Variants in SPATA13 observed in about 807,000 individuals in gnomAD.
The protein encoded by SPATA13 is spermatogenesis-associated protein 13.
Under a neutral mutation model 104.0 loss-of-function variants are expected in SPATA13, and 50 were observed. The observed-to-expected ratio is 0.48, with a 90% CI of 0.38 to 0.61. The LOEUF (loss-of-function observed/expected upper bound fraction) is 0.61. Among genes scored for constraint, SPATA13 ranks in the 20% least tolerant of loss-of-function variants. The pLI, the probability that SPATA13 is intolerant of heterozygous loss-of-function variation, is 0.00. For synonymous variants in SPATA13, 606 were observed against 667.5 expected (o/e 0.91, Z 1.42); for missense variants, 1,524 against 1,690.6 (o/e 0.90, Z 1.73).
At chr13:24,074,747 A>T (rs930332071) in intron 3 of SPATA13, among the ~76,000 whole-genome samples, 5 of 152,348 alleles carry the variant, frequency 3.3e-5, no homozygotes, top group African/African-American at 1.2e-4. Flanking sequence ...TTAATTGAGC[A>T]GAGGAAGATT....
intron 1 of SPATA13, among the ~76,000 whole-genome samples, chr13:24,181,694 C>T (rs1312187215): frequency 6.6e-6 from 1 of 151,762 alleles, no homozygotes; most frequent in Non-Finnish European, 1.5e-5. Flanking sequence ...CTGTCATCTG[C>T]TATAATAATA....
Position 24,216,244 on chromosome 13 carries a change from C to A in SPATA13, c.-111-6575C>A, listed in dbSNP as rs76576322. On this transcript the variant is annotated intron_variant, in intron 1 of 12. Transcript: ENST00000382108. ...TCTCTCACTACACCAGCCTGACCTG[C>A]AACTTTAGACACAGAAGGAAGATTT... Among the ~76,000 whole-genome samples the A allele has an allele frequency of 1.1e-3, 170 of 152,304 alleles. 4 individuals are homozygous for A. The East Asian group carries it at 0.027, about 24-fold the overall frequency.
At position 24,286,145 on chromosome 13, in the gene SPATA13, C is replaced by T; in HGVS notation, c.2302-69C>T. The T allele has an allele frequency of 6.9e-7, 1 of 1,453,942 alleles. No individual in the cohort carries two copies. Among genetic ancestry groups the T allele is most frequent in the South Asian group, 1.3e-5 (1 of 75,464 alleles). The allele number at this position is 1,453,942 out of a possible 1,614,324, so 90.1% of individuals were successfully genotyped here. ...ACCAGTGTCACCCTGAGAGAGTGCA[C>T]CTAGTGGCTCCCTCACCATCCCGCC... is the stretch of plus-strand genomic sequence containing the variant. On this transcript the variant is annotated intron_variant, in intron 5 of 12. Transcript: ENST00000382108. This position sits in a 1 kb window ranked among gnomAD's most constrained non-coding sequence, Gnocchi z 4.9.
chr13:24,189,867 T>C (rs1334673543), intron 1 of SPATA13, among the ~76,000 whole-genome samples: 1 of 24,294 alleles, frequency 4.1e-5, no homozygotes, highest in South Asian at 1.6e-3. Context: ...ATATCATATA[T>C]AATATAATTA....
intron 3 of SPATA13, among the ~76,000 whole-genome samples, chr13:24,142,460 C>G (rs1566119439): frequency 6.6e-6 from 1 of 152,244 alleles, no homozygotes; most frequent in East Asian, 1.9e-4. Context: ...CATTTCTCCC[C>G]CCTCAGTTTT....
intron 2 of SPATA13, among the ~76,000 whole-genome samples, chr13:24,239,427 G>C (rs1426054206): frequency 1.3e-5 from 2 of 152,126 alleles, no homozygotes; most frequent in Non-Finnish European, 2.9e-5. Flanking sequence ...GGGTATGGTG[G>C]CTCACACCTG....
chr13:24,141,248 A>T (rs1923903), intron 3 of SPATA13, among the ~76,000 whole-genome samples: 2 of 151,142 alleles, frequency 1.3e-5, no homozygotes, highest in African/African-American at 4.9e-5. Context: ...TAGGAGGTCA[A>T]GGTGGGAGGA....
At chr13:24,224,765 C>CTT in intron 2 of SPATA13, 183 bp downstream of exon 2, 1 of 685,946 alleles carries the variant, frequency 1.5e-6, no homozygotes, top group South Asian at 1.5e-5. Context: ...GAAGTAATCT[C>CTT]TATCTCCTTT....
chr13:24,287,032 C>G, intron 7 of SPATA13, 82 bp downstream of exon 7: 2 of 1,219,766 alleles, frequency 1.6e-6, no homozygotes, highest in Non-Finnish European at 2.3e-6. Context: ...CACCTCCACC[C>G]CCCGCCCCCC....
At position 24,128,874 on chromosome 13, in the gene SPATA13, A is replaced by G. The variant is rs192275076; in HGVS notation, c.-111-93945A>G. Among the ~76,000 whole-genome samples, 3 of 152,336 alleles carry G rather than the reference A, an allele frequency of 2.0e-5. No homozygotes were observed. The East Asian group carries it at 5.8e-4, about 29-fold the overall frequency. On this transcript the variant is annotated intron_variant, in intron 3 of 14. Coordinates refer to the SPATA13 transcript ENST00000424834. ...TCATTTTATTACCAATTGATCTGGC[A>G]AGAAAACAAGTGAGCTAAAACCTTT... is the stretch of plus-strand genomic sequence containing the variant.
intron 3 of SPATA13, among the ~76,000 whole-genome samples, chr13:24,047,847 T>C (rs552069094): frequency 6.6e-6 from 1 of 152,356 alleles, no homozygotes; most frequent in African/African-American, 2.4e-5. Context: ...ATCTGCTGTC[T>C]GTAACCTGGA....
chr13:24,160,709 G>A, upstream of SPATA13: 2 of 985,724 alleles, frequency 2.0e-6, no homozygotes, highest in Non-Finnish European at 2.4e-6. Context: ...GGGCTGGGGC[G>A]TGGCTTGGCT....
Position 24,249,814 on chromosome 13 carries a change from C to G in SPATA13, c.1991C>G (p.Thr664Arg). ...GTCAGCTTGTATGGGACCAACCAGA[C>G]GGAGGAACTGGACAATCTTCTGACC... ...GGVSLYGTNQ[T>R]EELDNLLTQP... The change falls in exon 3 of 13, where the codon ACG (threonine) becomes AGG (arginine). Residue 664 changes from threonine to arginine, a missense_variant. By Grantham distance (71) the Thr-to-Arg change is moderately conservative. Coordinates refer to ENST00000382108, the MANE Select transcript of SPATA13 (RefSeq NM_001166271.3). 6.2e-7 allele frequency: 1 copy of G among 1,609,676 alleles called. No individual in the cohort carries two copies. Among genetic ancestry groups the G allele is most frequent in the Non-Finnish European group, 8.5e-7 (1 of 1,177,876 alleles).
chr13:24,120,568 C>A (rs933026226), intron 3 of SPATA13, among the ~76,000 whole-genome samples: 2 of 152,160 alleles, frequency 1.3e-5, no homozygotes, highest in Non-Finnish European at 2.9e-5. Context: ...CTTGGGTGAG[C>A]CACTATACCA....
At chr13:24,280,812 A>G (rs1875447391) in intron 4 of SPATA13, among the ~76,000 whole-genome samples, 1 of 151,868 alleles carries the variant, frequency 6.6e-6, no homozygotes, top group African/African-American at 2.4e-5. Context: ...ACATCCCCCA[A>G]CCCACCCCCA....
intron 4 of SPATA13, among the ~76,000 whole-genome samples, chr13:24,277,522 A>G (rs1486577198): frequency 6.6e-6 from 1 of 151,600 alleles, no homozygotes; most frequent in Non-Finnish European, 1.5e-5. Flanking sequence ...CAGAGTCATG[A>G]AGACTGGCTG....
At chr13:24,089,082 T>C (rs1879829726) in intron 3 of SPATA13, among the ~76,000 whole-genome samples, 1 of 152,224 alleles carries the variant, frequency 6.6e-6, no homozygotes, top group Non-Finnish European at 1.5e-5. Flanking sequence ...TTTTCATAGA[T>C]GAGGACACCA....
At chr13:24,146,578 T>C (rs1339658546) in intron 3 of SPATA13, among the ~76,000 whole-genome samples, 2 of 152,188 alleles carry the variant, frequency 1.3e-5, no homozygotes, top group African/African-American at 4.8e-5. Context: ...CAGAGGAAAG[T>C]AGGCTATAAA....
intron 1 of SPATA13, among the ~76,000 whole-genome samples, chr13:24,171,856 A>G (rs1406650057): frequency 6.6e-6 from 1 of 152,238 alleles, no homozygotes. Flanking sequence ...TAAGAAAAGC[A>G]TAGGGATTTG....
Sources: gnomAD v4.1 joint callset for allele counts (sites outside exome capture counted in the v4.1 genomes callset) on GRCh38, gnomAD v4.1.1 for gene constraint, Gnocchi (gnomAD v3.1) non-coding constraint, MANE v1.5 for transcripts, NCBI Gene and HGNC (gene_info 2026-07-23, HGNC 2026-07-21) for gene names.